ROBO2: variants seen among roughly 807,000 people sequenced by gnomAD.
ROBO2 encodes roundabout guidance receptor 2.
A neutral mutation model predicts 160.8 loss-of-function variants in ROBO2; 53 were observed. The ratio of observed to expected loss-of-function variants is 0.33; its 90% CI spans 0.26 to 0.41. The LOEUF (loss-of-function observed/expected upper bound fraction) is 0.41, where lower values mean the gene tolerates loss of function less well. Among genes scored for constraint, ROBO2 ranks in the 10% least tolerant of loss-of-function variants. The pLI is 1.00. For missense variants in ROBO2, 1,577 were observed against 1,722.4 expected (o/e 0.92, Z 1.49); for synonymous variants, 664 against 611.7 (o/e 1.09, Z -1.26).
intron 2 of ROBO2, among the ~76,000 whole-genome samples, chr3:76,902,680 C>T (rs56027117): frequency 0.03 from 4,496 of 151,094 alleles, 84 homozygotes; most frequent in Middle Eastern, 0.11. Context: ...TTTTTCATTG[C>T]TTATTGCAAG....
chr3:76,365,794 T>C (rs1035184594), intron 2 of ROBO2, among the ~76,000 whole-genome samples: 1 of 151,820 alleles, frequency 6.6e-6, no homozygotes, highest in African/African-American at 2.4e-5. Context: ...ACATGAGAAA[T>C]TGGAATTTAC....
intron 2 of ROBO2, among the ~76,000 whole-genome samples, chr3:77,359,684 G>A (rs2069644492): frequency 6.6e-6 from 1 of 152,036 alleles, no homozygotes; most frequent in South Asian, 2.1e-4. Flanking sequence ...TCAGCCCTTT[G>A]GTTTGTTTGT....
At chr3:77,122,807 T>G (rs1449433890) in intron 2 of ROBO2, among the ~76,000 whole-genome samples, 1 of 152,216 alleles carries the variant, frequency 6.6e-6, no homozygotes, top group Non-Finnish European at 1.5e-5. Flanking sequence ...TGACATAATG[T>G]CGACAAGCCA....
At chr3:76,081,338 C>T (rs187487168) in intron 2 of ROBO2, among the ~76,000 whole-genome samples, 105 of 152,078 alleles carry the variant, frequency 6.9e-4, no homozygotes, top group African/African-American at 2.3e-3. Flanking sequence ...CATGAATAGT[C>T]ATGTAACTGA....
intron 2 of ROBO2, among the ~76,000 whole-genome samples, chr3:77,200,970 G>A (rs532659185): frequency 2.1e-4 from 32 of 152,214 alleles, no homozygotes; most frequent in African/African-American, 7.5e-4. Flanking sequence ...TATATAATTC[G>A]AATGCAATTA....
rs2094820400 is a variant in ROBO2, at chr3:77,618,057, A to G, written c.3554+284A>G. The G allele has an allele frequency of 1.4e-5, 6 of 437,884 alleles. No homozygotes were observed. In the East Asian group the frequency reaches 2.8e-4, roughly 20 times the overall value. The allele number at this position is 437,884 out of a possible 1,614,324, so 27.1% of individuals were successfully genotyped here. ...TAGAGCAAGAATTCAAATCTGCTGT[A>G]TTTCAGGCTAAAGTGCTCTTGGCTA... On this transcript the variant is annotated intron_variant, in intron 22 of 25. Coordinates refer to ENST00000461745, the Ensembl canonical transcript of ROBO2.
intron 2 of ROBO2, among the ~76,000 whole-genome samples, chr3:76,000,922 A>G (rs1341157071): frequency 1.3e-5 from 2 of 152,134 alleles, no homozygotes; most frequent in Admixed American, 6.5e-5. Context: ...AACTTAATCT[A>G]TTCATACTAA....
chr3:75,959,266 C>T (rs561994571), intron 2 of ROBO2, among the ~76,000 whole-genome samples: 1 of 151,586 alleles, frequency 6.6e-6, no homozygotes, highest in African/African-American at 2.4e-5. Flanking sequence ...GTCTAGTATT[C>T]CCATACGTGT....
intron 2 of ROBO2, among the ~76,000 whole-genome samples, chr3:77,381,138 A>T (rs1448669490): frequency 3.3e-5 from 5 of 152,096 alleles, no homozygotes; most frequent in Admixed American, 2.0e-4. Context: ...ACACGGTGAA[A>T]CCCCGTCTCT....
intron 2 of ROBO2, among the ~76,000 whole-genome samples, chr3:76,780,502 C>T (rs889451364): frequency 2.0e-5 from 3 of 150,686 alleles, no homozygotes; most frequent in East Asian, 3.9e-4. Context: ...TAATAAAAAT[C>T]GTTGCCAAGA....
intron 2 of ROBO2, among the ~76,000 whole-genome samples, chr3:75,951,266 C>T (rs1217581736): frequency 6.6e-6 from 1 of 151,926 alleles, no homozygotes; most frequent in African/African-American, 2.4e-5. Context: ...CCTTTTTTGG[C>T]ATAACAAAAA....
chr3:76,042,792 T>C (rs1015910870), intron 2 of ROBO2, among the ~76,000 whole-genome samples: 2 of 152,026 alleles, frequency 1.3e-5, no homozygotes, highest in African/African-American at 2.4e-5. Flanking sequence ...CCCTGCTCTG[T>C]TCTGTTTCAC....
At chr3:77,030,787 A>T (rs528132630) in intron 2 of ROBO2, among the ~76,000 whole-genome samples, 304 of 152,306 alleles carry the variant, frequency 2.0e-3, no homozygotes, top group Middle Eastern at 0.01. Flanking sequence ...ATTGGGGCTC[A>T]TTCTAATCCA....
intron 2 of ROBO2, among the ~76,000 whole-genome samples, chr3:77,373,917 A>T (rs1161813503): frequency 6.6e-6 from 1 of 151,258 alleles, no homozygotes; most frequent in Non-Finnish European, 1.5e-5. Context: ...CGTGCCTGTA[A>T]TCCTAGCACT....
At chr3:76,258,135 G>A (rs1039866238) in intron 2 of ROBO2, among the ~76,000 whole-genome samples, 5 of 151,354 alleles carry the variant, frequency 3.3e-5, no homozygotes, top group African/African-American at 4.9e-5. Flanking sequence ...TGTATTAAGC[G>A]TCTTATCAAA....
At chr3:76,023,120 G>T (rs972589989) in intron 2 of ROBO2, among the ~76,000 whole-genome samples, 7 of 151,518 alleles carry the variant, frequency 4.6e-5, no homozygotes, top group African/African-American at 1.7e-4. Context: ...ATCTCTCTCA[G>T]CCTGAAGAGA....
intron 2 of ROBO2, among the ~76,000 whole-genome samples, chr3:76,451,754 G>A (rs1384139743): frequency 6.6e-6 from 1 of 152,148 alleles, no homozygotes; most frequent in East Asian, 1.9e-4. Context: ...AAATACTAAT[G>A]TCGGAGACAG....
intron 6 of ROBO2, among the ~76,000 whole-genome samples, chr3:77,544,500 C>A (rs1031160793): frequency 6.6e-6 from 1 of 151,998 alleles, no homozygotes; most frequent in Non-Finnish European, 1.5e-5. Context: ...AACTAGGAGG[C>A]GGTATAATAG....
At chr3:77,226,000 T>C (rs2086454881) in intron 2 of ROBO2, among the ~76,000 whole-genome samples, 1 of 152,018 alleles carries the variant, frequency 6.6e-6, no homozygotes, top group Non-Finnish European at 1.5e-5. Flanking sequence ...CATATGATAT[T>C]ACACATCGGT....
Sources: gnomAD v4.1 joint callset for allele counts (sites outside exome capture counted in the v4.1 genomes callset) on GRCh38, gnomAD v4.1.1 for gene constraint, MANE v1.5 for transcripts, NCBI Gene and HGNC (gene_info 2026-07-23, HGNC 2026-07-21) for gene names.